DLL3: variants seen among roughly 807,000 people sequenced by gnomAD.
DLL3 encodes delta-like protein 3.
A neutral mutation model predicts 55.0 loss-of-function variants in DLL3; 49 were observed. The observed-to-expected ratio is 0.89, with a 90% CI of 0.71 to 1.13. The LOEUF (loss-of-function observed/expected upper bound fraction) is 1.13. DLL3 is among the 50% of genes most tolerant of loss of function. The pLI, the probability that DLL3 is intolerant of heterozygous loss-of-function variation, is 0.00. For synonymous variants in DLL3, 421 were observed against 385.2 expected, an observed-to-expected ratio of 1.09 and a Z score of -1.09; for missense variants, 962 against 875.5, an observed-to-expected ratio of 1.10 and a Z score of -1.25.
intron 4 of DLL3, 149 bp from the exon 5 acceptor site, chr19:39,503,922 A>C (rs575465865): frequency 1.3e-6 from 1 of 791,756 alleles, no homozygotes; most frequent in Admixed American, 2.0e-5. Flanking sequence ...GGGCGGTCAC[A>C]GTACCATCTA....
intron 6 of DLL3, 119 bp downstream of exon 6, chr19:39,505,570 T>G: frequency 1.9e-6 from 2 of 1,057,342 alleles, no homozygotes; most frequent in Non-Finnish European, 2.8e-6. Flanking sequence ...GACCTGACCT[T>G]CCACCTGCAA....
chr19:39,504,223 G>T lies in DLL3; in HGVS notation c.805G>T (p.Gly269Ter). The part of the protein sequence containing the change: ...SPRGPSSATT[G>*]CLVPGPGPCD... ...CAGGGGCCCGTCCTCTGCTACCACC[G>T]GATGCCTTGTCCCTGGGCCTGGGCC... Residue 269 changes from glycine (G) to a stop codon, truncating the protein, a stop_gained, in exon 5 of 9, where the codon GGA (glycine) becomes TGA (stop). Coordinates refer to ENST00000356433, the MANE Select transcript of DLL3 (RefSeq NM_203486.3). LOFTEE classifies it high-confidence loss of function. 6.2e-7 allele frequency: 1 copy of T among 1,612,954 alleles called. No individual in the cohort carries two copies. The highest frequency in any genetic ancestry group is 8.5e-7 in the Non-Finnish European group (1 of 1,180,022).
chr19:39,507,615 C>A lies in DLL3; in HGVS notation c.1670C>A (p.Pro557Gln), dbSNP rs1378839256. 1.2e-6 allele frequency: 2 copies of A among 1,606,136 alleles called. No homozygotes were observed. Among genetic ancestry groups the A allele is most frequent in the East Asian group, 4.5e-5 (2 of 44,466 alleles). Residue 557 changes from proline (P) to glutamine (Q), a missense_variant, in exon 7 of 9, where the codon CCG becomes CAG. Pro to Gln is a moderately conservative substitution (Grantham distance 76). Transcript: ENST00000356433. Reference sequence around the variant, plus strand: ...ACGCAGGAGGGTTCCGGGGATGGTCCGAGGTGAGGGGCTGCGCCACAGACG... The same window carrying A: ...ACGCAGGAGGGTTCCGGGGATGGTCAGAGGTGAGGGGCTGCGCCACAGACG... ...LRTQEGSGDG[P>Q]SSSVDWNRPE... is the part of the protein sequence containing the mutation.
intron 3 of DLL3, 129 bp downstream of exon 3, chr19:39,500,801 C>A: frequency 1.2e-6 from 1 of 816,442 alleles, no homozygotes; most frequent in Non-Finnish European, 2.1e-6. Flanking sequence ...GTTGACAGCT[C>A]CAGGGCTCTT....
rs780866206 is a variant in DLL3, at chr19:39,508,289, G to T, written c.*32G>T. 1.9e-6 allele frequency: 3 copies of T among 1,613,842 alleles called. No homozygotes were observed. The South Asian group carries it at 3.3e-5, about 18-fold the overall frequency. On this transcript the variant is annotated 3_prime_UTR_variant, in exon 9 of 9. Transcript: ENST00000356433. ...TCCTCCATCCGCACCTGGAGTCAGA[G>T]CGTGGATTTTTGTATTTGCTCGGTG... is the stretch of plus-strand genomic sequence containing the variant.
At chr19:39,500,751 C>G in intron 3 of DLL3, 79 bp downstream of exon 3, 8 of 1,258,084 alleles carry the variant, frequency 6.4e-6, no homozygotes, top group Non-Finnish European at 9.3e-6. Flanking sequence ...ATCTATAGGT[C>G]TTATGATGTC....
rs2079657398 is a variant in DLL3, at chr19:39,508,324, C to T, written c.*67C>T. On this transcript the variant is annotated 3_prime_UTR_variant, in exon 9 of 9. Coordinates refer to ENST00000356433, the MANE Select transcript of DLL3 (RefSeq NM_203486.3). ...TTGTATTTGCTCGGTGGTGCCCAGT[C>T]TCTGCCCCAGAGGCTTTGGAGTTCA... is the stretch of plus-strand genomic sequence containing the variant. 7.6e-6 allele frequency: 12 copies of T among 1,584,494 alleles called. No homozygotes were observed. In the South Asian group the frequency reaches 1.1e-4, roughly 15 times the overall value.
chr19:39,502,095 G>T (rs1391157910), intron 3 of DLL3, among the ~76,000 whole-genome samples: 1 of 151,720 alleles, frequency 6.6e-6, no homozygotes, highest in Non-Finnish European at 1.5e-5. Flanking sequence ...GCTGAGGCAG[G>T]AGAATGGCGT....
Position 39,499,346 on chromosome 19 carries a change from C to A in DLL3, c.224C>A (p.Ser75Tyr). 1.3e-6 allele frequency: 2 copies of A among 1,553,516 alleles called. No individual in the cohort carries two copies. Among genetic ancestry groups the A allele is most frequent in the Admixed American group, 1.9e-5 (1 of 53,106 alleles). The stretch of plus-strand genomic sequence containing the variant: ...GGGCTCTCAGAGGAGGCCGCCGAGT[C>A]CCCGTGCGCCCTGGGCGCGGCGCTG... ...KPGLSEEAAE[S>Y]PCALGAALSA... is the part of the protein sequence containing the mutation. Residue 75 changes from serine to tyrosine, a missense_variant, in exon 2 of 9, where the codon TCC becomes TAC. By Grantham distance (144) the Ser-to-Tyr change is moderately radical. Transcript: ENST00000356433.
At chr19:39,508,127 C>T (rs961581325) in intron 8 of DLL3, 125 bp from the exon 9 acceptor site, 14 of 1,613,150 alleles carry the variant, frequency 8.7e-6, no homozygotes, top group African/African-American at 1.3e-5. Flanking sequence ...CTTTGAAAAA[C>T]CTATGGGCTT....
In DLL3 at chr19:39,498,995, C is replaced by A; in HGVS notation, c.21C>A (p.Ser7=). ...AGGCCATGGTCTCCCCACGGATGTC[C>A]GGGCTCCTCTCCCAGACTGTGATCC... is the stretch of plus-strand genomic sequence containing the variant. MVSPRM[S]GLLSQTVILA... Residue 7 remains serine (S), a synonymous_variant, in exon 1 of 9, where the codon TCC becomes TCA. Transcript: ENST00000356433. 1 of 1,614,020 alleles carries A rather than the reference C, an allele frequency of 6.2e-7. No individual in the cohort carries two copies. The highest frequency in any genetic ancestry group is 8.5e-7 in the Non-Finnish European group (1 of 1,180,014).
intron 6 of DLL3, chr19:39,505,702 G>C: frequency 1.9e-6 from 1 of 514,806 alleles, no homozygotes; most frequent in South Asian, 2.1e-5. Flanking sequence ...AACAGACAAA[G>C]TCCCTGGCCC....
At chr19:39,502,694 G>T in intron 3 of DLL3, 121 bp from the exon 4 acceptor site, 1 of 1,222,874 alleles carries the variant, frequency 8.2e-7, no homozygotes, top group South Asian at 2.8e-5. Flanking sequence ...AGGACCCCAG[G>T]GCTCCATGAG....
intron 7 of DLL3, 78 bp from the exon 8 acceptor site, chr19:39,507,752 C>T: frequency 6.2e-7 from 1 of 1,609,926 alleles, no homozygotes. Context: ...TTTTGGGTTC[C>T]CCTTTGTGAT....
intron 3 of DLL3, among the ~76,000 whole-genome samples, chr19:39,501,338 C>T (rs1474401500): frequency 2.0e-5 from 3 of 151,768 alleles, no homozygotes; most frequent in Non-Finnish European, 4.4e-5. Flanking sequence ...ATGTGGACAT[C>T]CCAGGGAGCC....
chr19:39,502,898 G>T lies in DLL3; in HGVS notation c.493G>T (p.Ala165Ser). ...GGPWARDIQR[A>S]GAWELRFSYR... ...CCCGTGGGCCCGGGACATTCAGCGC[G>T]CAGGCGCCTGGGAGCTGCGCTTCTC... is the stretch of plus-strand genomic sequence containing the variant. Residue 165 changes from alanine to serine, a missense_variant, in exon 4 of 9, where the codon GCA becomes TCA. Coordinates refer to ENST00000356433, the MANE Select transcript of DLL3 (RefSeq NM_203486.3). 6.9e-7 allele frequency: 1 copy of T among 1,441,410 alleles called. No individual in the cohort carries two copies. The highest frequency in any genetic ancestry group is 1.5e-5 in the African/African-American group (1 of 67,382). 89.3% of individuals were successfully genotyped at this position (1,441,410 alleles called of 1,614,324 possible).
chr19:39,501,733 G>C lies in DLL3; in HGVS notation c.409+1061G>C, dbSNP rs376863408. Among the ~76,000 whole-genome samples, 10 of 152,254 alleles carry C rather than the reference G, an allele frequency of 6.6e-5. No homozygotes were observed. The East Asian group carries it at 1.9e-3, about 29-fold the overall frequency. On this transcript the variant is annotated intron_variant, in intron 3 of 8. Transcript: ENST00000356433. Reference sequence around the variant, plus strand: ...AGGTAATGTGGTAACTTATGGTCTAGTAACTGGGGTCTCTGTGACTATTTT... The same window carrying C: ...AGGTAATGTGGTAACTTATGGTCTACTAACTGGGGTCTCTGTGACTATTTT...
rs755687347 is a variant in DLL3, at chr19:39,504,266, G to T, written c.848G>T (p.Cys283Phe). The T allele has an allele frequency of 3.1e-6, 5 of 1,612,918 alleles. No homozygotes were observed. The highest frequency in any genetic ancestry group is 4.2e-6 in the Non-Finnish European group (5 of 1,180,032). Residue 283 changes from cysteine (C) to phenylalanine (F), a missense_variant, in exon 5 of 9, where the codon TGT becomes TTT. Physicochemically the swap from Cys to Phe is radical, Grantham distance 205. Transcript: ENST00000356433. The stretch of plus-strand genomic sequence containing the variant: ...CCTGGGCCCTGTGACGGGAACCCGT[G>T]TGCCAATGGAGGCAGCTGTAGTGTC... ...PGPGPCDGNP[C>F]ANGGSCSETP...
At chr19:39,506,777 C>T (rs1035893611) in intron 6 of DLL3, among the ~76,000 whole-genome samples, 1 of 152,156 alleles carries the variant, frequency 6.6e-6, no homozygotes, top group Admixed American at 6.6e-5. Context: ...GTTCTGGGAG[C>T]TGTCTACTAT....
Sources: allele counts gnomAD v4.1 joint callset (sites outside exome capture counted in the v4.1 genomes callset), GRCh38; gene constraint gnomAD v4.1.1; transcripts MANE v1.5; gene names NCBI Gene and HGNC (gene_info 2026-07-23, HGNC 2026-07-21).